Variants in ZEB2 observed in about 807,000 individuals in gnomAD.
The protein encoded by ZEB2 is zinc finger E-box-binding homeobox 2.
In ZEB2, 6 loss-of-function variants were observed where a neutral mutation model predicts 99.9. That is an observed-to-expected ratio of 0.06 (90% CI 0.03 to 0.12). ZEB2 has a LOEUF of 0.12. Ranked by LOEUF, ZEB2 falls within the 10% of genes least tolerant of loss-of-function variation. ZEB2 has a pLI of 1.00. For missense variants in ZEB2, 969 were observed against 1,502.8 expected, an observed-to-expected ratio of 0.64 and a Z score of 5.87; for synonymous variants, 517 against 542.5, an observed-to-expected ratio of 0.95 and a Z score of 0.65.
At chr2:144,436,928 TG>T (rs1188090857) in intron 2 of ZEB2, among the ~76,000 whole-genome samples, 1 of 152,198 alleles carries the variant, frequency 6.6e-6, no homozygotes, top group African/African-American at 2.4e-5. Context: ...GTGAAATTTA[TG>T]ATTTCCCAAA....
In ZEB2 at chr2:144,412,972, T is replaced by C. The variant is rs543478349; in HGVS notation, c.404-7948A>G. Reference sequence around the variant, plus strand: ...TTGAATGATTAGGCAAGGTTCAGGGTCCTTGGACTCCTCATTTTGGCTCAG... The same window carrying C: ...TTGAATGATTAGGCAAGGTTCAGGGCCCTTGGACTCCTCATTTTGGCTCAG... On this transcript the variant is annotated intron_variant, in intron 4 of 9. Coordinates refer to ENST00000627532, the MANE Select transcript of ZEB2 (RefSeq NM_014795.4). 6.6e-5 allele frequency among the ~76,000 whole-genome samples: 10 copies of C among 152,338 alleles called. No homozygotes were observed. In the East Asian group the frequency reaches 1.5e-3, roughly 23 times the overall value.
At chr2:144,457,010 C>T (rs1704129685) in intron 2 of ZEB2, among the ~76,000 whole-genome samples, 1 of 152,112 alleles carries the variant, frequency 6.6e-6, no homozygotes, top group Admixed American at 6.6e-5. Flanking sequence ...AGCAGCACCC[C>T]CCAAAGGTCT....
intron 2 of ZEB2, chr2:144,462,830 G>C (rs986079122): frequency 6.6e-6 from 1 of 152,154 alleles, no homozygotes; most frequent in Non-Finnish European, 1.5e-5. Context: ...TTAAGGGAAA[G>C]TGGCCCTCAT....
intron 5 of ZEB2, 85 bp from the exon 6 acceptor site, chr2:144,404,215 G>A (rs1703351006): frequency 6.9e-7 from 1 of 1,452,614 alleles, no homozygotes; most frequent in South Asian, 1.2e-5. Context: ...GCCCGGGATG[G>A]TATGACAGGA....
intron 2 of ZEB2, among the ~76,000 whole-genome samples, chr2:144,487,182 T>C (rs996561893): frequency 2.6e-5 from 4 of 152,132 alleles, no homozygotes; most frequent in Admixed American, 2.0e-4. Context: ...TTACCTTTGA[T>C]AAGAACAACT....
chr2:144,519,440 CAT>C, intron 1 of ZEB2: 4 of 131,234 alleles, frequency 3.0e-5, no homozygotes, highest in South Asian at 5.1e-4. Flanking sequence ...GATGAACTGC[CAT>C]GTCTAAGAGA....
At chr2:144,488,999 T>A (rs747620060) in intron 2 of ZEB2, among the ~76,000 whole-genome samples, 2 of 152,206 alleles carry the variant, frequency 1.3e-5, no homozygotes, top group Non-Finnish European at 2.9e-5. Context: ...ATAATGTTTT[T>A]AAAAAGGCAT....
intron 2 of ZEB2, chr2:144,463,082 C>G (rs1007580386): frequency 6.6e-6 from 1 of 152,108 alleles, no homozygotes; most frequent in Non-Finnish European, 1.5e-5. Flanking sequence ...GCAACTGCCA[C>G]GGTAAACAAT....
intron 3 of ZEB2, chr2:144,428,551 T>C (rs1703720835): frequency 6.6e-6 from 1 of 152,176 alleles, no homozygotes; most frequent in Admixed American, 6.6e-5. Flanking sequence ...TCGAGAAACC[T>C]TCACCGAAAG....
At chr2:144,517,246 C>T in intron 2 of ZEB2, 32 bp downstream of exon 2, 2 of 1,612,980 alleles carry the variant, frequency 1.2e-6, no homozygotes, top group African/African-American at 1.3e-5. Flanking sequence ...CGCGTAGTGG[C>T]CCGGAAAAGT....
intron 2 of ZEB2, among the ~76,000 whole-genome samples, chr2:144,431,895 C>A (rs1703776515): frequency 6.6e-6 from 1 of 150,902 alleles, no homozygotes; most frequent in African/African-American, 2.4e-5. Context: ...TTTCAACCCA[C>A]CTCCTAAAAA....
intron 3 of ZEB2, chr2:144,428,093 T>C (rs924481151): frequency 2.0e-5 from 3 of 152,204 alleles, no homozygotes; most frequent in African/African-American, 7.2e-5. Context: ...TTTGTTACAT[T>C]GTTATTAATT....
chr2:144,388,205 G>C lies in ZEB2; in HGVS notation c.*1246C>G, dbSNP rs916724243. On this transcript the variant is annotated 3_prime_UTR_variant, in exon 10 of 10. Coordinates refer to ENST00000627532, the MANE Select transcript of ZEB2 (RefSeq NM_014795.4). This position sits in a 1 kb window ranked among gnomAD's most constrained non-coding sequence, Gnocchi z 5.4. Reference sequence around the variant, plus strand: ...AGTGGAATTTTCAGTCGAAAATACAGTGTTTTCACAAGATCGTATCAAAAG... The same window carrying C: ...AGTGGAATTTTCAGTCGAAAATACACTGTTTTCACAAGATCGTATCAAAAG... 1 of 152,544 alleles carries C rather than the reference G, an allele frequency of 6.6e-6. No homozygotes were observed. The highest frequency in any genetic ancestry group is 1.5e-5 in the Non-Finnish European group (1 of 68,006). The allele number at this position is 152,544 out of a possible 1,614,324, so 9.4% of individuals were successfully genotyped here.
At chr2:144,410,055 G>A (rs889427434) in intron 4 of ZEB2, among the ~76,000 whole-genome samples, 7 of 152,136 alleles carry the variant, frequency 4.6e-5, no homozygotes, top group East Asian at 1.9e-4. Context: ...GGGACTACAG[G>A]TGCCTGCCAC....
intron 2 of ZEB2, among the ~76,000 whole-genome samples, chr2:144,497,389 A>G (rs1268061639): frequency 6.6e-6 from 1 of 152,168 alleles, no homozygotes; most frequent in Non-Finnish European, 1.5e-5. Flanking sequence ...GAGCCTGCAC[A>G]TAGTAGGTGT....
intron 2 of ZEB2, chr2:144,511,512 C>T: frequency 7.8e-7 from 1 of 1,282,114 alleles, no homozygotes; most frequent in Non-Finnish European, 1.0e-6. Flanking sequence ...GCAAAGGCTT[C>T]CATGGAGCCT....
At chr2:144,394,989 C>CTTTTT (rs869207772) in intron 9 of ZEB2, among the ~76,000 whole-genome samples, 38 of 85,206 alleles carry the variant, frequency 4.5e-4, no homozygotes, top group Non-Finnish European at 5.6e-4. Flanking sequence ...CTTCCCTTCG[C>CTTTTT]TTTTTTTTTT....
At chr2:144,475,626 T>G (rs1283037646) in intron 2 of ZEB2, among the ~76,000 whole-genome samples, 2 of 152,204 alleles carry the variant, frequency 1.3e-5, no homozygotes, top group Middle Eastern at 3.2e-3. Context: ...CATTATTGCA[T>G]GTCATAATTC....
rs1484553070 is a variant in ZEB2 at position 144,385,372 on chromosome 2, A to G, written c.*4079T>C. The G allele has an allele frequency of 6.6e-6, 1 of 152,192 alleles. No individual in the cohort carries two copies. The highest frequency in any genetic ancestry group is 1.5e-5 in the Non-Finnish European group (1 of 68,022). The allele number at this position is 152,192 out of a possible 1,614,324, so 9.4% of individuals were successfully genotyped here. The stretch of plus-strand genomic sequence containing the variant: ...ACCTCAGCTGCCCTATAAAATCTAT[A>G]ATAAGGTGGTTTTCATATATATATT... On this transcript the variant is annotated 3_prime_UTR_variant, in exon 10 of 10. Transcript: ENST00000627532.
Sources: allele counts gnomAD v4.1 joint callset (sites outside exome capture counted in the v4.1 genomes callset), GRCh38; gene constraint gnomAD v4.1.1; non-coding constraint Gnocchi (gnomAD v3.1); transcripts MANE v1.5; gene names NCBI Gene and HGNC (gene_info 2026-07-23, HGNC 2026-07-21).